Variants in KIAA1217 observed in about 807,000 individuals in gnomAD.
KIAA1217 encodes sickle tail protein homolog.
KIAA1217 carries 88 observed loss-of-function variants against 163.9 expected under a neutral mutation model. That is an observed-to-expected ratio of 0.54 (90% confidence interval 0.45 to 0.64). The LOEUF is 0.64. Among genes scored for constraint, KIAA1217 ranks in the 30% least tolerant of loss-of-function variants. The probability of loss-of-function intolerance (pLI) is 0.00; values close to 1 mark genes in which losing one functional copy is unlikely to be tolerated. For synonymous variants in KIAA1217, 903 were observed against 923.1 expected (o/e 0.98, Z 0.39); for missense variants, 2,372 against 2,475.0 (o/e 0.96, Z 0.88).
At chr10:23,697,936 A>T (rs1352734947) in intron 1 of KIAA1217, among the ~76,000 whole-genome samples, 1 of 151,756 alleles carries the variant, frequency 6.6e-6, no homozygotes, top group Non-Finnish European at 1.5e-5. Context: ...TTCAGTGTTT[A>T]TCAATGATAA....
At chr10:24,069,538 C>A (rs181537184) in intron 2 of KIAA1217, among the ~76,000 whole-genome samples, 2 of 152,152 alleles carry the variant, frequency 1.3e-5, no homozygotes, top group Non-Finnish European at 2.9e-5. Flanking sequence ...TCTGCCCCTC[C>A]TCCTGAAGAA....
intron 2 of KIAA1217, among the ~76,000 whole-genome samples, chr10:24,370,367 A>T (rs2051458062): frequency 6.6e-6 from 1 of 152,144 alleles, no homozygotes. Context: ...AAATATAGGT[A>T]CTATGATTAG....
At chr10:23,718,680 AAGTG>A (rs1421696105) in intron 1 of KIAA1217, among the ~76,000 whole-genome samples, 4 of 152,152 alleles carry the variant, frequency 2.6e-5, no homozygotes, top group Non-Finnish European at 2.9e-5. Flanking sequence ...GAAAAAACAT[AAGTG>A]ATAGGATTTC....
chr10:24,450,972 T>C (rs1315696219), intron 5 of KIAA1217, among the ~76,000 whole-genome samples: 4 of 152,220 alleles, frequency 2.6e-5, no homozygotes, highest in African/African-American at 9.6e-5. Flanking sequence ...TATTTTTTAC[T>C]TTTCTGGAAT....
intron 1 of KIAA1217, among the ~76,000 whole-genome samples, chr10:23,909,341 A>G (rs1339668252): frequency 6.6e-6 from 1 of 152,128 alleles, no homozygotes; most frequent in Non-Finnish European, 1.5e-5. Context: ...CTGTTCCCCA[A>G]TAACCATTGG....
intron 1 of KIAA1217, among the ~76,000 whole-genome samples, chr10:23,716,394 T>C (rs1434442014): frequency 6.6e-6 from 1 of 152,168 alleles, no homozygotes; most frequent in Non-Finnish European, 1.5e-5. Context: ...TGTGTGTGTA[T>C]CTGTATTCTA....
At chr10:24,214,506 A>G (rs1354981453) in intron 1 of KIAA1217, among the ~76,000 whole-genome samples, 2 of 152,192 alleles carry the variant, frequency 1.3e-5, no homozygotes, top group Non-Finnish European at 2.9e-5. Context: ...AGGGGCCCCA[A>G]CAAAAGGTGG....
At chr10:23,887,600 A>C (rs1250334939) in intron 1 of KIAA1217, among the ~76,000 whole-genome samples, 11 of 151,830 alleles carry the variant, frequency 7.2e-5, no homozygotes. Context: ...TAAAATGCTC[A>C]TTTTATACCA....
intron 2 of KIAA1217, among the ~76,000 whole-genome samples, chr10:24,099,221 C>T (rs888067180): frequency 6.7e-6 from 1 of 150,320 alleles, no homozygotes; most frequent in Non-Finnish European, 1.5e-5. Flanking sequence ...TTCTAGGGTA[C>T]ATGTGCACAA....
chr10:24,404,373 C>T (rs1306306110), intron 3 of KIAA1217, among the ~76,000 whole-genome samples: 8 of 151,954 alleles, frequency 5.3e-5, no homozygotes, highest in African/African-American at 1.5e-4. Flanking sequence ...TGGAGACCCT[C>T]CTGGCCAACA....
chr10:23,917,387 C>G (rs1305501485), intron 1 of KIAA1217, among the ~76,000 whole-genome samples: 1 of 152,164 alleles, frequency 6.6e-6, no homozygotes, highest in Non-Finnish European at 1.5e-5. Context: ...GGTTCTTACT[C>G]CTCACTCTGA....
chr10:24,027,701 A>G (rs58184848), intron 2 of KIAA1217, among the ~76,000 whole-genome samples: 2,012 of 152,308 alleles, frequency 0.013, 50 homozygotes, highest in African/African-American at 0.046. Flanking sequence ...TTATTTACAG[A>G]CAATAAAATA....
rs143638308 is a variant in KIAA1217 at position 24,286,104 on chromosome 10, C to T, written c.354+66195C>T. Among the ~76,000 whole-genome samples the T allele has an allele frequency of 9.5e-3, 1,443 of 152,086 alleles. 28 individuals carry two copies. The highest frequency in any genetic ancestry group is 0.084 in the East Asian group (433 of 5,176). ...TGAAGTTGTTTATCAGGTCTAGGAGCCTTTTGGCAAAGTCTAGGTTTTTCT... is the reference window on the plus strand; with the variant it reads ...TGAAGTTGTTTATCAGGTCTAGGAGTCTTTTGGCAAAGTCTAGGTTTTTCT... On this transcript the variant is annotated intron_variant, in intron 2 of 20. Transcript: ENST00000376454.
chr10:24,392,699 A>G (rs2055146265), intron 3 of KIAA1217, among the ~76,000 whole-genome samples: 1 of 152,218 alleles, frequency 6.6e-6, no homozygotes. Flanking sequence ...CTACTACTCT[A>G]CACTTTCCCC....
chr10:24,417,528 C>A (rs1442762047), intron 3 of KIAA1217, among the ~76,000 whole-genome samples: 3 of 152,112 alleles, frequency 2.0e-5, no homozygotes, highest in Non-Finnish European at 4.4e-5. Context: ...AAAATATTCC[C>A]CTGAGCTGCT....
chr10:24,405,917 G>A (rs986218430), intron 3 of KIAA1217, among the ~76,000 whole-genome samples: 1 of 152,176 alleles, frequency 6.6e-6, no homozygotes, highest in African/African-American at 2.4e-5. Flanking sequence ...ATGCTGCAGT[G>A]TTTTGAAGGT....
intron 1 of KIAA1217, among the ~76,000 whole-genome samples, chr10:23,813,909 T>C (rs993828276): frequency 7.9e-5 from 12 of 152,188 alleles, no homozygotes; most frequent in African/African-American, 2.9e-4. Context: ...GTGTGAACAT[T>C]TCTCCTTGAT....
At chr10:23,757,755 T>A (rs1028388523) in intron 1 of KIAA1217, among the ~76,000 whole-genome samples, 67 of 152,252 alleles carry the variant, frequency 4.4e-4, no homozygotes, top group African/African-American at 1.4e-3. Context: ...TGACCTCAGG[T>A]AATGCACCTT....
intron 2 of KIAA1217, among the ~76,000 whole-genome samples, chr10:24,245,845 T>A (rs908101880): frequency 2.0e-5 from 3 of 151,936 alleles, no homozygotes; most frequent in Non-Finnish European, 4.4e-5. Context: ...ACTTTGTTAC[T>A]TAGGCTGGTC....
Sources: gnomAD v4.1 joint callset for allele counts (sites outside exome capture counted in the v4.1 genomes callset) on GRCh38, gnomAD v4.1.1 for gene constraint, MANE v1.5 for transcripts, NCBI Gene and HGNC (gene_info 2026-07-23, HGNC 2026-07-21) for gene names.